The following TMEM132D variants were observed in gnomAD, a reference collection of about 807,000 sequenced individuals.
TMEM132D encodes the protein transmembrane protein 132D.
Under a neutral mutation model 62.3 loss-of-function variants are expected in TMEM132D, and 21 were observed. The observed-to-expected ratio is 0.34, with a 90% CI of 0.24 to 0.49. The LOEUF is 0.49. Among genes scored for constraint, TMEM132D ranks in the 20% least tolerant of loss-of-function variants. The pLI is 0.99. For missense variants in TMEM132D, 1,346 were observed against 1,402.8 expected, an observed-to-expected ratio of 0.96 and a Z score of 0.65; for synonymous variants, 621 against 575.6, an observed-to-expected ratio of 1.08 and a Z score of -1.13.
intron 2 of TMEM132D, among the ~76,000 whole-genome samples, chr12:129,618,080 C>T (rs1307737970): frequency 6.6e-6 from 1 of 152,142 alleles, no homozygotes; most frequent in Non-Finnish European, 1.5e-5. Context: ...GGACCAGAGA[C>T]AACCTAGGGA....
rs138299816 is a variant in TMEM132D, at chr12:129,289,098, G to A, written c.1299+48536C>T. 8.1e-3 allele frequency among the ~76,000 whole-genome samples: 1,235 copies of A among 152,150 alleles called. 19 individuals carry two copies. The highest frequency in any genetic ancestry group is 0.028 in the African/African-American group (1,156 of 41,504). ...GTAGAACGGTGGGTGCCAGGGATGG[G>A]GGTATCGGGGGGAATGGGTAGATGT... On this transcript the variant is annotated intron_variant, in intron 4 of 8. Coordinates refer to ENST00000422113, the MANE Select transcript of TMEM132D (RefSeq NM_133448.3).
intron 3 of TMEM132D, among the ~76,000 whole-genome samples, chr12:129,459,054 T>C (rs1873572218): frequency 6.6e-6 from 1 of 152,214 alleles, no homozygotes; most frequent in Admixed American, 6.5e-5. Context: ...CAGGGCTCTG[T>C]GCTCAGCGGG....
In TMEM132D at chr12:129,073,563, C is replaced by CGA. The variant is rs893221919; in HGVS notation, c.*310_*311dup. 33 of 275,482 alleles carry CGA rather than the reference C, an allele frequency of 1.2e-4. No individual in the cohort carries two copies. Among genetic ancestry groups the CGA allele is most frequent in the Admixed American group, 6.4e-4 (13 of 20,380 alleles). The allele number at this position is 275,482 out of a possible 1,614,324, so 17.1% of individuals were successfully genotyped here. ...TTACAATATCCAAATTGCTTTGATT[C>CGA]GAGAGAGAGAGGCTGTTCTTTCCTG... On this transcript the variant is annotated 3_prime_UTR_variant, in exon 9 of 9. Coordinates refer to ENST00000422113, the MANE Select transcript of TMEM132D (RefSeq NM_133448.3).
At chr12:129,471,512 CG>C (rs1189779394) in intron 3 of TMEM132D, among the ~76,000 whole-genome samples, 1 of 152,154 alleles carries the variant, frequency 6.6e-6, no homozygotes, top group African/African-American at 2.4e-5. Flanking sequence ...TCCCTCTCCT[CG>C]GGCCTTCCTA....
chr12:129,883,441 AG>A (rs1874663593), intron 1 of TMEM132D, among the ~76,000 whole-genome samples: 1 of 152,186 alleles, frequency 6.6e-6, no homozygotes, highest in South Asian at 2.1e-4. Context: ...TTAAGATGGC[AG>A]TTCTCATTAT....
intron 5 of TMEM132D, among the ~76,000 whole-genome samples, chr12:129,128,104 G>T (rs972088994): frequency 6.6e-6 from 1 of 152,186 alleles, no homozygotes; most frequent in African/African-American, 2.4e-5. Context: ...CAGCTAGAGG[G>T]CTGCATGTAC....
At chr12:129,353,187 C>T (rs982263809) in intron 3 of TMEM132D, among the ~76,000 whole-genome samples, 6 of 146,064 alleles carry the variant, frequency 4.1e-5, no homozygotes, top group Admixed American at 7.0e-5. Flanking sequence ...TTGTGAACAA[C>T]CATGTTAGAG....
chr12:129,379,312 C>T (rs1247123725), intron 3 of TMEM132D, among the ~76,000 whole-genome samples: 1 of 152,026 alleles, frequency 6.6e-6, no homozygotes, highest in Non-Finnish European at 1.5e-5. Context: ...TACAGCAGTG[C>T]CTGTCTCCTA....
At chr12:129,685,726 C>A (rs1337469328) in intron 2 of TMEM132D, among the ~76,000 whole-genome samples, 1 of 152,188 alleles carries the variant, frequency 6.6e-6, no homozygotes, top group Non-Finnish European at 1.5e-5. Flanking sequence ...TGAAAAGCTG[C>A]AGACACAATG....
At chr12:129,593,660 C>G (rs1878256980) in intron 2 of TMEM132D, among the ~76,000 whole-genome samples, 1 of 152,120 alleles carries the variant, frequency 6.6e-6, no homozygotes, top group African/African-American at 2.4e-5. Context: ...TTAAGGCCCA[C>G]CTTGGAGAGG....
At chr12:129,214,180 G>A (rs1879138622) in intron 4 of TMEM132D, among the ~76,000 whole-genome samples, 1 of 152,230 alleles carries the variant, frequency 6.6e-6, no homozygotes, top group Non-Finnish European at 1.5e-5. Flanking sequence ...AGGGAAATGT[G>A]TAGGGCCCTA....
chr12:129,171,694 C>T (rs73163126), intron 5 of TMEM132D, among the ~76,000 whole-genome samples: 27,867 of 152,116 alleles, frequency 0.18, 2,668 homozygotes, highest in South Asian at 0.26. Context: ...CACTCTTGGG[C>T]GATGAGGTGC....
chr12:129,155,152 G>T (rs568603950), intron 5 of TMEM132D, among the ~76,000 whole-genome samples: 1 of 152,270 alleles, frequency 6.6e-6, no homozygotes, highest in African/African-American at 2.4e-5. Flanking sequence ...CCAGTAATTG[G>T]TTTCCCACAT....
chr12:129,328,496 G>A (rs1210884206), intron 4 of TMEM132D, among the ~76,000 whole-genome samples: 11 of 152,070 alleles, frequency 7.2e-5, no homozygotes, highest in Admixed American at 7.2e-4. Context: ...TTGTACTATG[G>A]GCCTTTAAAA....
chr12:129,184,465 G>T (rs545709192), intron 5 of TMEM132D, among the ~76,000 whole-genome samples: 1 of 152,190 alleles, frequency 6.6e-6, no homozygotes, highest in African/African-American at 2.4e-5. Context: ...TTTCTGGGCC[G>T]TCTGGCTGAT....
At chr12:129,704,568 C>T (rs1881458435) in intron 1 of TMEM132D, among the ~76,000 whole-genome samples, 1 of 152,202 alleles carries the variant, frequency 6.6e-6, no homozygotes, top group Non-Finnish European at 1.5e-5. Context: ...TTACAGGAAA[C>T]CAGTGCCCAT....
intron 4 of TMEM132D, among the ~76,000 whole-genome samples, chr12:129,319,450 C>T (rs918419718): frequency 8.5e-5 from 13 of 152,282 alleles, no homozygotes; most frequent in East Asian, 3.9e-4. Context: ...CCACAGTATT[C>T]GGGGTGTCTC....
chr12:129,317,082 T>C (rs1868511536), intron 4 of TMEM132D, among the ~76,000 whole-genome samples: 1 of 152,116 alleles, frequency 6.6e-6, no homozygotes, highest in African/African-American at 2.4e-5. Context: ...GGTTCTTATG[T>C]ATTCTGTGGT....
chr12:129,392,135 G>A (rs182656664), intron 3 of TMEM132D, among the ~76,000 whole-genome samples: 9 of 151,658 alleles, frequency 5.9e-5, no homozygotes, highest in South Asian at 2.1e-4. Flanking sequence ...TCGGCTCACC[G>A]CAACCTCTGC....
Sources: gnomAD v4.1 joint callset for allele counts (sites outside exome capture counted in the v4.1 genomes callset) on GRCh38, gnomAD v4.1.1 for gene constraint, MANE v1.5 for transcripts, NCBI Gene and HGNC (gene_info 2026-07-23, HGNC 2026-07-21) for gene names.